The following CCSER1 variants were observed in gnomAD, a reference collection of about 807,000 sequenced individuals.
CCSER1 encodes the protein serine-rich coiled-coil domain-containing protein 1.
A neutral mutation model predicts 82.0 loss-of-function variants in CCSER1; 41 were observed. The ratio of observed to expected loss-of-function variants is 0.50; its 90% CI spans 0.39 to 0.65. The LOEUF is 0.65. Ranked by LOEUF, CCSER1 falls within the 30% of genes least tolerant of loss-of-function variation. The pLI is 0.00. For synonymous variants in CCSER1, 414 were observed against 383.9 expected (o/e 1.08, Z -0.92); for missense variants, 1,119 against 1,064.2 (o/e 1.05, Z -0.72).
At chr4:90,689,329 A>G (rs1205122118) in intron 6 of CCSER1, among the ~76,000 whole-genome samples, 2 of 152,110 alleles carry the variant, frequency 1.3e-5, no homozygotes, top group Non-Finnish European at 2.9e-5. Flanking sequence ...TAAGTCCTCA[A>G]AGTAAACAGT....
At chr4:90,226,669 A>G (rs946573052) in intron 1 of CCSER1, among the ~76,000 whole-genome samples, 1 of 152,258 alleles carries the variant, frequency 6.6e-6, no homozygotes, top group Admixed American at 6.5e-5. Context: ...CAGGTGCTTC[A>G]CAAAGGGGCT....
chr4:90,607,449 C>G (rs1015548989), intron 5 of CCSER1, among the ~76,000 whole-genome samples: 2 of 152,090 alleles, frequency 1.3e-5, no homozygotes, highest in South Asian at 2.1e-4. Flanking sequence ...AGTCTCATAT[C>G]AAGATATTGA....
chr4:90,376,012 G>T (rs557942875), intron 3 of CCSER1, among the ~76,000 whole-genome samples: 1 of 152,188 alleles, frequency 6.6e-6, no homozygotes, highest in Non-Finnish European at 1.5e-5. Context: ...GGGGCACTAT[G>T]TGTGGCCCTG....
intron 10 of CCSER1, among the ~76,000 whole-genome samples, chr4:91,536,377 T>G (rs750011999): frequency 4.6e-5 from 7 of 151,926 alleles, no homozygotes; most frequent in East Asian, 1.9e-4. Flanking sequence ...CAGTACATGA[T>G]AGAGAGAGAG....
chr4:90,371,257 T>C (rs983218394), intron 3 of CCSER1, among the ~76,000 whole-genome samples: 1 of 152,188 alleles, frequency 6.6e-6, no homozygotes, highest in Non-Finnish European at 1.5e-5. Flanking sequence ...AAATAATTGC[T>C]ATTTTGTCTT....
Position 91,603,298 on chromosome 4 carries a change from T to C in CCSER1, c.*4241T>C, listed in dbSNP as rs1764874314. 1 of 152,156 alleles carries C rather than the reference T, an allele frequency of 6.6e-6. No homozygotes were observed. Among genetic ancestry groups the C allele is most frequent in the Non-Finnish European group, 1.5e-5 (1 of 67,988 alleles). 9.4% of individuals were successfully genotyped at this position (152,156 alleles called of 1,614,324 possible). On this transcript the variant is annotated 3_prime_UTR_variant, in exon 11 of 11. Transcript: ENST00000509176. ...TTCTGTGCCAACTTGTTTCACCATG[T>C]TAAACTGCATACATACCCATGAACT...
chr4:91,431,497 C>T (rs1229349809), intron 10 of CCSER1, among the ~76,000 whole-genome samples: 4 of 151,836 alleles, frequency 2.6e-5, no homozygotes, highest in Admixed American at 1.3e-4. Context: ...GATGGGGTTT[C>T]GCTCTTGTTG....
intron 1 of CCSER1, among the ~76,000 whole-genome samples, chr4:90,233,462 G>T (rs1039052928): frequency 3.0e-4 from 45 of 152,180 alleles, no homozygotes; most frequent in Admixed American, 2.1e-3. Flanking sequence ...ATCACACTCT[G>T]GGGACTGTTG....
intron 6 of CCSER1, among the ~76,000 whole-genome samples, chr4:90,706,080 T>C (rs1391861712): frequency 2.0e-5 from 3 of 152,188 alleles, no homozygotes; most frequent in Admixed American, 2.0e-4. Flanking sequence ...TTGGGAGCTG[T>C]AGACTGGAGC....
intron 3 of CCSER1, among the ~76,000 whole-genome samples, chr4:90,379,046 A>G (rs964630944): frequency 9.9e-5 from 15 of 152,198 alleles, no homozygotes; most frequent in African/African-American, 3.6e-4. Context: ...ATAAGAGCGA[A>G]AACAGAGTGA....
chr4:90,309,846 A>G (rs991018490), intron 2 of CCSER1, among the ~76,000 whole-genome samples: 1 of 152,112 alleles, frequency 6.6e-6, no homozygotes, highest in Non-Finnish European at 1.5e-5. Flanking sequence ...CACTTATGTT[A>G]TCCATAACTA....
intron 6 of CCSER1, among the ~76,000 whole-genome samples, chr4:90,629,044 T>G (rs1723855485): frequency 6.6e-6 from 1 of 152,160 alleles, no homozygotes; most frequent in Non-Finnish European, 1.5e-5. Context: ...TAAGTAGATT[T>G]ATCTTTATTG....
intron 7 of CCSER1, among the ~76,000 whole-genome samples, chr4:90,778,942 C>G (rs962409402): frequency 4.6e-5 from 7 of 152,160 alleles, no homozygotes; most frequent in African/African-American, 1.7e-4. Context: ...TTCAGGGCCA[C>G]TACTATCATC....
intron 9 of CCSER1, among the ~76,000 whole-genome samples, chr4:91,079,689 A>T (rs753966780): frequency 3.3e-5 from 5 of 152,200 alleles, no homozygotes; most frequent in Admixed American, 6.5e-5. Context: ...ACATGCAGAG[A>T]CAAATATAGG....
intron 10 of CCSER1, among the ~76,000 whole-genome samples, chr4:91,350,705 A>C (rs1333809938): frequency 1.3e-5 from 2 of 152,096 alleles, no homozygotes; most frequent in Admixed American, 1.3e-4. Flanking sequence ...AATCAGTCTG[A>C]GATTTAGGAA....
rs59586682 is a variant in CCSER1 at position 90,180,120 on chromosome 4, T to TTATA, written c.-42+52308_-42+52311dup. 8.0e-3 allele frequency among the ~76,000 whole-genome samples: 1,124 copies of TTATA among 140,276 alleles called. 22 individuals are homozygous for TTATA. The highest frequency in any genetic ancestry group is 0.075 in the South Asian group (330 of 4,384). The allele number at this position is 140,276 out of a possible 152,430, so 92.0% of individuals were successfully genotyped here. The stretch of plus-strand genomic sequence containing the variant: ...TTTGATGTATGTATTGCTTATGTAG[T>TTATA]TATATATATATATATATATATAAAT... On this transcript the variant is annotated intron_variant, in intron 1 of 10. Transcript: ENST00000509176.
chr4:90,920,118 C>A (rs150060182), intron 8 of CCSER1, among the ~76,000 whole-genome samples: 1 of 151,812 alleles, frequency 6.6e-6, no homozygotes, highest in African/African-American at 2.4e-5. Context: ...AAGAAGGCCA[C>A]CTTAAATCAC....
intron 8 of CCSER1, among the ~76,000 whole-genome samples, chr4:90,848,359 G>A (rs1763454940): frequency 6.6e-6 from 1 of 152,140 alleles, no homozygotes; most frequent in South Asian, 2.1e-4. Flanking sequence ...ATGGCTCTAA[G>A]ATATAAGTGG....
intron 10 of CCSER1, among the ~76,000 whole-genome samples, chr4:91,432,578 T>A (rs1177808651): frequency 6.6e-6 from 1 of 152,186 alleles, no homozygotes; most frequent in African/African-American, 2.4e-5. Flanking sequence ...TCCATACTTT[T>A]ATTAACTGGT....
Sources: allele counts gnomAD v4.1 joint callset (sites outside exome capture counted in the v4.1 genomes callset), GRCh38; gene constraint gnomAD v4.1.1; transcripts MANE v1.5; gene names NCBI Gene and HGNC (gene_info 2026-07-23, HGNC 2026-07-21).